SLC2A11: variants seen among roughly 807,000 people sequenced by gnomAD.
SLC2A11 encodes solute carrier family 2 member 11.
In SLC2A11, 43 loss-of-function variants were observed where a neutral mutation model predicts 52.1. That is an observed-to-expected ratio of 0.82 (90% CI 0.65 to 1.06). The LOEUF (loss-of-function observed/expected upper bound fraction) is 1.06. Ranked by LOEUF, SLC2A11 falls within the 50% of genes least tolerant of loss-of-function variation. SLC2A11 has a pLI of 0.00. For missense variants in SLC2A11, 582 were observed against 654.2 expected (o/e 0.89, Z 1.20); for synonymous variants, 261 against 277.6 (o/e 0.94, Z 0.59).
At chr22:23,877,316 C>A in intron 5 of SLC2A11, 145 bp downstream of exon 5, 3 of 1,381,412 alleles carry the variant, frequency 2.2e-6, no homozygotes, top group Non-Finnish European at 3.1e-6. Flanking sequence ...CACATCTCTG[C>A]TGCCAATTCA....
Position 23,883,967 on chromosome 22 carries a change from C to T in SLC2A11, c.1114C>T (p.Leu372Phe). Residue 372 changes from leucine to phenylalanine, a missense_variant, in exon 10 of 12, where the codon CTC (leucine) becomes TTC (phenylalanine). Transcript: ENST00000316185. Reference protein sequence around the residue: ...LCLQSSFPWTLYLAMACIFAF... With the variant: ...LCLQSSFPWTFYLAMACIFAF... The stretch of plus-strand genomic sequence containing the variant: ...ACGGCAGAGCTCCTTCCCCTGGACA[C>T]TCTACCTGGCCATGGCCTGCATCTT... The T allele has an allele frequency of 1.2e-6, 2 of 1,613,398 alleles. No homozygotes were observed. The highest frequency in any genetic ancestry group is 1.7e-6 in the Non-Finnish European group (2 of 1,179,862).
chr22:23,883,198 G>A (rs755776080), intron 8 of SLC2A11: 1 of 407,588 alleles, frequency 2.5e-6, no homozygotes, highest in Non-Finnish European at 4.7e-6. Context: ...GTAGGTGGAG[G>A]TTGCAGTGAG....
intron 1 of SLC2A11, among the ~76,000 whole-genome samples, chr22:23,859,562 A>C (rs1376225096): frequency 5.3e-5 from 8 of 151,662 alleles, no homozygotes; most frequent in African/African-American, 1.9e-4. Flanking sequence ...ATCTGGGCTT[A>C]CTGCAACCTC....
chr22:23,883,502 A>G (rs1390702436), intron 8 of SLC2A11: 2 of 440,882 alleles, frequency 4.5e-6, no homozygotes, highest in African/African-American at 4.1e-5. Flanking sequence ...ACCCTGTCTC[A>G]ATCAATCAAT....
chr22:23,859,957 G>T (rs956928773), intron 1 of SLC2A11, among the ~76,000 whole-genome samples: 7 of 152,150 alleles, frequency 4.6e-5, no homozygotes, highest in Admixed American at 4.6e-4. Flanking sequence ...AGTATTTTTT[G>T]GGGGAAGATA....
chr22:23,863,125 G>A (rs2032132287), intron 2 of SLC2A11, among the ~76,000 whole-genome samples: 2 of 152,246 alleles, frequency 1.3e-5, no homozygotes, highest in African/African-American at 4.8e-5. Context: ...ACCAAAGCAA[G>A]TTAAGTATAG....
chr22:23,870,716 G>A (rs760874429), intron 3 of SLC2A11: 1 of 151,614 alleles, frequency 6.6e-6, no homozygotes, highest in Non-Finnish European at 1.5e-5. Flanking sequence ...TTTTGAGACG[G>A]AGTTTCGCTC....
chr22:23,857,817 A>C, upstream of SLC2A11: 1 of 1,470,026 alleles, frequency 6.8e-7, no homozygotes, highest in Non-Finnish European at 9.0e-7. Context: ...CGCTTGCGCT[A>C]CAGCTTCGTC....
At chr22:23,877,552 G>A (rs1036941473) in intron 5 of SLC2A11, 169 bp from the exon 6 acceptor site, 10 of 942,348 alleles carry the variant, frequency 1.1e-5, no homozygotes, top group South Asian at 1.4e-5. Context: ...TCCTCTCTTG[G>A]TCCCAACCTG....
chr22:23,857,074 G>GTTT, upstream of SLC2A11: 1 of 288,660 alleles, frequency 3.5e-6, no homozygotes, highest in Non-Finnish European at 4.9e-6. Flanking sequence ...GTGTGTGTGT[G>GTTT]GGGGGGGGGG....
chr22:23,863,612 T>G (rs934975664), intron 2 of SLC2A11, among the ~76,000 whole-genome samples: 14 of 134,774 alleles, frequency 1.0e-4, no homozygotes, highest in African/African-American at 3.6e-4. Flanking sequence ...TCTCTGGTTT[T>G]TTTTTTTTTT....
At chr22:23,870,313 T>G (rs1236688358) in intron 3 of SLC2A11, 5 of 454,146 alleles carry the variant, frequency 1.1e-5, no homozygotes, top group African/African-American at 1.0e-4. Flanking sequence ...TTAAAGCAAA[T>G]GTCTGTTCCC....
At chr22:23,880,013 A>T (rs1426875235) in intron 6 of SLC2A11, among the ~76,000 whole-genome samples, 1 of 152,164 alleles carries the variant, frequency 6.6e-6, no homozygotes, top group Non-Finnish European at 1.5e-5. Flanking sequence ...AGACATCAAG[A>T]CCAGCCTGGC....
In SLC2A11 at chr22:23,870,570, G is replaced by GGGTCATA. The variant is rs1480124302; in HGVS notation, c.290+1930_290+1936dup. 111 of 152,874 alleles carry GGGTCATA rather than the reference G, an allele frequency of 7.3e-4. 2 individuals carry two copies. Among genetic ancestry groups the GGGTCATA allele is most frequent in the Non-Finnish European group, 1.0e-4 (7 of 68,444 alleles). The allele number at this position is 152,874 out of a possible 1,614,324, so 9.5% of individuals were successfully genotyped here. Reference sequence around the variant, plus strand: ...CAGTTGAATGCCATCTACAGATAGAGGGTCATATTGTCCATCTGCTTATGA... The same window carrying GGGTCATA: ...CAGTTGAATGCCATCTACAGATAGAGGGTCATAGGTCATATTGTCCATCTGCTTATGA... On this transcript the variant is annotated intron_variant, in intron 3 of 11. Coordinates refer to ENST00000316185, the MANE Select transcript of SLC2A11 (RefSeq NM_001024939.4).
intron 8 of SLC2A11, 28 bp from the exon 9 acceptor site, chr22:23,883,744 T>TGTG (rs2146147375): frequency 6.8e-7 from 1 of 1,479,306 alleles, no homozygotes; most frequent in East Asian, 2.5e-5. Context: ...TGGCTGGGTG[T>TGTG]GTGGGTCTGT....
Position 23,884,885 on chromosome 22 carries a change from G to T in SLC2A11, c.*36G>T. 3 of 1,584,466 alleles carry T rather than the reference G, an allele frequency of 1.9e-6. No homozygotes were observed. Among genetic ancestry groups the T allele is most frequent in the Non-Finnish European group, 2.6e-6 (3 of 1,156,538 alleles). ...GTGGCCAGAGCCAAAGCCAGCTACT[G>T]TCCTGTCCTCTGCTTCCTGCCAGGG... On this transcript the variant is annotated 3_prime_UTR_variant, in exon 12 of 12. Transcript: ENST00000316185. The surrounding 1 kb of genome is among the most constrained non-coding windows in gnomAD (Gnocchi z 4.3).
intron 6 of SLC2A11, chr22:23,882,100 A>G: frequency 2.7e-6 from 1 of 369,508 alleles, no homozygotes; most frequent in Non-Finnish European, 5.0e-6. Context: ...ACACAGAGAC[A>G]GAGAGATTGA....
chr22:23,877,112 C>T lies in SLC2A11; in HGVS notation c.486C>T (p.Ala162=). 1.9e-6 allele frequency: 3 copies of T among 1,613,926 alleles called. No individual in the cohort carries two copies. Among genetic ancestry groups the T allele is most frequent in the Non-Finnish European group, 2.5e-6 (3 of 1,179,958 alleles). Residue 162 remains alanine (A), a synonymous_variant, in exon 5 of 12, where the codon GCC becomes GCT. Transcript: ENST00000316185. The part of the protein sequence containing the change: ...SAPKELRGAV[A]MSSAIFTALG... The stretch of plus-strand genomic sequence containing the variant: ...CTAAGGAGCTCCGAGGAGCTGTGGC[C>T]ATGAGCTCAGCCATCTTTACGGCTC...
At chr22:23,880,746 AG>A (rs2032770709) in intron 6 of SLC2A11, 1 of 152,090 alleles carries the variant, frequency 6.6e-6, no homozygotes, top group Non-Finnish European at 1.5e-5. Flanking sequence ...CAACTAACCC[AG>A]TGTTTCTGAA....
Sources: gnomAD v4.1 joint callset for allele counts (sites outside exome capture counted in the v4.1 genomes callset) on GRCh38, gnomAD v4.1.1 for gene constraint, Gnocchi (gnomAD v3.1) non-coding constraint, MANE v1.5 for transcripts, NCBI Gene and HGNC (gene_info 2026-07-23, HGNC 2026-07-21) for gene names.